The following B3GNT2 variants were observed in gnomAD, a reference collection of about 807,000 sequenced individuals.
B3GNT2 encodes N-acetyllactosaminide beta-1,3-N-acetylglucosaminyltransferase 2.
A neutral mutation model predicts 27.6 loss-of-function variants in B3GNT2; 12 were observed. That is an observed-to-expected ratio of 0.44 (90% CI 0.28 to 0.71). The LOEUF is 0.71. Ranked by LOEUF, B3GNT2 falls within the 30% of genes least tolerant of loss-of-function variation. The pLI is 0.17. For synonymous variants in B3GNT2, 192 were observed against 189.7 expected (o/e 1.01, Z -0.10); for missense variants, 413 against 488.5 (o/e 0.85, Z 1.46).
chr2:62,204,432 C>T (rs1275746309), intron 1 of B3GNT2, among the ~76,000 whole-genome samples: 1 of 152,164 alleles, frequency 6.6e-6, no homozygotes, highest in East Asian at 1.9e-4. Flanking sequence ...GTGTTTTTAA[C>T]CCTCCAGGTC....
intron 1 of B3GNT2, chr2:62,221,785 G>T (rs754356073): frequency 6.9e-5 from 35 of 509,504 alleles, no homozygotes; most frequent in Non-Finnish European, 3.1e-5. Context: ...AAATGTATTT[G>T]TTATAATTTA....
chr2:62,216,974 T>C (rs1328497697), intron 1 of B3GNT2, among the ~76,000 whole-genome samples: 1 of 152,220 alleles, frequency 6.6e-6, no homozygotes, highest in Admixed American at 6.5e-5. Context: ...ACTTGCTGGC[T>C]GGGAACCTGG....
In B3GNT2 at chr2:62,222,952, C is replaced by T. The variant is rs182347788; in HGVS notation, c.732C>T (p.Gly244=). ...SCPDTEFVFK[G]DDDVFVNTHH... is the part of the protein sequence containing the mutation. ...CAGACACTGAGTTTGTTTTCAAGGG[C>T]GATGACGATGTTTTTGTGAACACCC... The change falls in exon 2 of 2, where the codon GGC becomes GGT. Residue 244 remains glycine (G), a synonymous_variant. Coordinates refer to ENST00000301998, the MANE Select transcript of B3GNT2 (RefSeq NM_006577.6). The surrounding 1 kb of genome is among the most constrained non-coding windows in gnomAD (Gnocchi z 4.2). 2.4e-5 allele frequency: 38 copies of T among 1,614,092 alleles called. No individual in the cohort carries two copies. In the Admixed American group the frequency reaches 2.5e-4, roughly 11 times the overall value.
rs56323905 is a variant in B3GNT2, at chr2:62,219,742, T to C, written c.-9-2470T>C. 3.9e-3 allele frequency among the ~76,000 whole-genome samples: 598 copies of C among 152,360 alleles called. 2 individuals are homozygous for C. Among genetic ancestry groups the C allele is most frequent in the African/African-American group, 0.014 (570 of 41,584 alleles). ...GTCCCAAGTTAGAGAGAACCTTTTC[T>C]TTTTGAGAAGTATTTGAGAAATAAC... On this transcript the variant is annotated intron_variant, in intron 1 of 1. Transcript: ENST00000301998.
At chr2:62,210,347 T>C (rs775242588) in intron 1 of B3GNT2, among the ~76,000 whole-genome samples, 4 of 152,130 alleles carry the variant, frequency 2.6e-5, no homozygotes, top group Non-Finnish European at 5.9e-5. Flanking sequence ...GGAGATTAAA[T>C]GAGATGAGAA....
intron 1 of B3GNT2, among the ~76,000 whole-genome samples, chr2:62,199,023 C>T (rs995721758): frequency 3.9e-5 from 6 of 152,136 alleles, no homozygotes; most frequent in South Asian, 2.1e-4. Flanking sequence ...TCACTGCAAC[C>T]GCTGCCTCTT....
At chr2:62,220,712 ACC>A (rs1397323723) in intron 1 of B3GNT2, among the ~76,000 whole-genome samples, 1 of 152,012 alleles carries the variant, frequency 6.6e-6, no homozygotes, top group Non-Finnish European at 1.5e-5. Context: ...GAGTAATAGT[ACC>A]TAAGGATAAA....
At chr2:62,209,276 A>G (rs1268989669) in intron 1 of B3GNT2, among the ~76,000 whole-genome samples, 4 of 152,114 alleles carry the variant, frequency 2.6e-5, no homozygotes, top group African/African-American at 9.7e-5. Flanking sequence ...CCCCTGGGAC[A>G]CGTGGTAGTA....
At position 62,222,901 on chromosome 2, in the gene B3GNT2, T is replaced by G. The variant is rs1477593734; in HGVS notation, c.681T>G (p.Phe227Leu). The G allele has an allele frequency of 1.2e-6, 2 of 1,614,212 alleles. No individual in the cohort carries two copies. The highest frequency in any genetic ancestry group is 1.7e-5 in the Admixed American group (1 of 60,032). The part of the protein sequence containing the change: ...FFNLSLKEVL[F>L]LRWVSTSCPD... ...ACTTGTCTCTGAAGGAAGTGCTGTT[T>G]CTCAGGTGGGTAAGTACTTCCTGCC... is the stretch of plus-strand genomic sequence containing the variant. The change falls in exon 2 of 2, where the codon TTT (phenylalanine) becomes TTG (leucine). Residue 227 changes from phenylalanine (F) to leucine (L), a missense_variant. Physicochemically the swap from Phe to Leu is conservative, Grantham distance 22. Transcript: ENST00000301998. The surrounding 1 kb of genome is among the most constrained non-coding windows in gnomAD (Gnocchi z 4.2).
chr2:62,221,061 C>T (rs1326508588), intron 1 of B3GNT2, among the ~76,000 whole-genome samples: 2 of 152,244 alleles, frequency 1.3e-5, no homozygotes, highest in Non-Finnish European at 2.9e-5. Context: ...TCAAGACCTA[C>T]ATGGTACATT....
chr2:62,216,082 G>T (rs761302566), intron 1 of B3GNT2, among the ~76,000 whole-genome samples: 1 of 152,184 alleles, frequency 6.6e-6, no homozygotes, highest in Non-Finnish European at 1.5e-5. Flanking sequence ...CCCTGCCTGA[G>T]TTCTGGGAGA....
Position 62,222,873 on chromosome 2 carries a change from T to G in B3GNT2, c.653T>G (p.Phe218Cys). 1 of 1,614,236 alleles carries G rather than the reference T, an allele frequency of 6.2e-7. No individual in the cohort carries two copies. Among genetic ancestry groups the G allele is most frequent in the Non-Finnish European group, 8.5e-7 (1 of 1,180,046 alleles). Residue 218 changes from phenylalanine (F) to cysteine (C), a missense_variant, in exon 2 of 2, where the codon TTC (phenylalanine) becomes TGC (cysteine). Transcript: ENST00000301998. This position sits in a 1 kb window ranked among gnomAD's most constrained non-coding sequence, Gnocchi z 4.2. ...ATGTGGAACTACAGAGACACTTTCT[T>G]CAACTTGTCTCTGAAGGAAGTGCTG... ...ILMWNYRDTF[F>C]NLSLKEVLFL...
chr2:62,200,904 T>A (rs191027708), intron 1 of B3GNT2, among the ~76,000 whole-genome samples: 1 of 152,364 alleles, frequency 6.6e-6, no homozygotes, highest in Admixed American at 6.5e-5. Flanking sequence ...TTATTTAATC[T>A]GAGTCTCAGT....
rs1381041573 is a variant in B3GNT2 at position 62,224,036 on chromosome 2, T to TG, written c.*623dup. On this transcript the variant is annotated 3_prime_UTR_variant, in exon 2 of 2. Coordinates refer to ENST00000301998, the MANE Select transcript of B3GNT2 (RefSeq NM_006577.6). ...GGTGTGACACTCATCTAATTTATCT[T>TG]GTTGTGATGTTATGGTCATAATAAG... The TG allele has an allele frequency of 6.0e-6, 1 of 167,112 alleles. No homozygotes were observed. The highest frequency in any genetic ancestry group is 1.5e-5 in the Non-Finnish European group (1 of 68,132). The allele number at this position is 167,112 out of a possible 1,614,324, so 10.4% of individuals were successfully genotyped here.
chr2:62,222,143 T>G lies in B3GNT2; in HGVS notation c.-9-69T>G. On this transcript the variant is annotated intron_variant, in intron 1 of 1. Coordinates refer to ENST00000301998, the MANE Select transcript of B3GNT2 (RefSeq NM_006577.6). The surrounding 1 kb of genome is among the most constrained non-coding windows in gnomAD (Gnocchi z 4.2). ...AAACCACTATTCCTGGGGAGACAGG[T>G]AAAATAAATTGTATGTGCAAATGCA... 7.4e-7 allele frequency: 1 copy of G among 1,346,612 alleles called. No homozygotes were observed. The highest frequency in any genetic ancestry group is 1.0e-6 in the Non-Finnish European group (1 of 983,024). 83.4% of individuals were successfully genotyped at this position (1,346,612 alleles called of 1,614,324 possible). A position where few individuals can be genotyped will look rare whatever the true frequency, so the allele number is the denominator to read the frequency against.
intron 1 of B3GNT2, among the ~76,000 whole-genome samples, chr2:62,204,953 A>T (rs539290197): frequency 6.6e-6 from 1 of 152,322 alleles, no homozygotes; most frequent in Admixed American, 6.5e-5. Context: ...CATGGGCACC[A>T]TCTAGAGAGG....
Position 62,222,961 on chromosome 2 carries a change from T to A in B3GNT2, c.741T>A (p.Asp247Glu). ...DTEFVFKGDDDVFVNTHHILN... is the reference protein window; with the variant it reads ...DTEFVFKGDDEVFVNTHHILN... ...AGTTTGTTTTCAAGGGCGATGACGA[T>A]GTTTTTGTGAACACCCATCACATCC... Residue 247 changes from aspartate (D) to glutamate (E), a missense_variant, in exon 2 of 2, where the codon GAT becomes GAA. Coordinates refer to ENST00000301998, the MANE Select transcript of B3GNT2 (RefSeq NM_006577.6). This position sits in a 1 kb window ranked among gnomAD's most constrained non-coding sequence, Gnocchi z 4.2. 1 of 1,614,220 alleles carries A rather than the reference T, an allele frequency of 6.2e-7. No individual in the cohort carries two copies. Among genetic ancestry groups the A allele is most frequent in the Non-Finnish European group, 8.5e-7 (1 of 1,180,042 alleles).
At chr2:62,208,287 T>C (rs947199545) in intron 1 of B3GNT2, among the ~76,000 whole-genome samples, 1 of 147,334 alleles carries the variant, frequency 6.8e-6, no homozygotes, top group Admixed American at 6.9e-5. Context: ...GGCCTACTTA[T>C]TTCCAGAAGC....
chr2:62,217,056 G>A (rs1010827057), intron 1 of B3GNT2, among the ~76,000 whole-genome samples: 5 of 152,188 alleles, frequency 3.3e-5, no homozygotes, highest in African/African-American at 1.2e-4. Flanking sequence ...TTTGCCCAGA[G>A]CCTAGCCTGT....
Sources: allele counts gnomAD v4.1 joint callset (sites outside exome capture counted in the v4.1 genomes callset), GRCh38; gene constraint gnomAD v4.1.1; non-coding constraint Gnocchi (gnomAD v3.1); transcripts MANE v1.5; gene names NCBI Gene and HGNC (gene_info 2026-07-23, HGNC 2026-07-21).